Variants in XKR6 observed in about 807,000 individuals in gnomAD.
XKR6 encodes the protein XK-related protein 6.
Under a neutral mutation model 56.7 loss-of-function variants are expected in XKR6, and 22 were observed. The ratio of observed to expected loss-of-function variants is 0.39; its 90% confidence interval spans 0.28 to 0.55. XKR6 has a LOEUF of 0.55. Among genes scored for constraint, XKR6 ranks in the 20% least tolerant of loss-of-function variants. The pLI is 0.66. For missense variants in XKR6, 852 were observed against 889.0 expected, an observed-to-expected ratio of 0.96 and a Z score of 0.53; for synonymous variants, 524 against 387.8, an observed-to-expected ratio of 1.35 and a Z score of -4.13.
intron 1 of XKR6, chr8:11,124,957 C>CG (rs1396910879): frequency 6.7e-6 from 1 of 150,304 alleles, no homozygotes; most frequent in East Asian, 1.9e-4. Context: ...GGCGTGGTGG[C>CG]AGATGCCTGT....
At chr8:11,045,308 G>A (rs1799382862) in intron 1 of XKR6, among the ~76,000 whole-genome samples, 1 of 151,418 alleles carries the variant, frequency 6.6e-6, no homozygotes, top group African/African-American at 2.4e-5. Context: ...GGCTGGTCTC[G>A]AACTCCTAAC....
chr8:11,107,646 G>T (rs1259823147), intron 1 of XKR6: 1 of 152,550 alleles, frequency 6.6e-6, no homozygotes, highest in Non-Finnish European at 1.5e-5. Flanking sequence ...TGAGGCACAT[G>T]TTGTAAAAGC....
chr8:10,923,679 G>C (rs1459057931), intron 2 of XKR6, among the ~76,000 whole-genome samples: 1 of 152,244 alleles, frequency 6.6e-6, no homozygotes, highest in African/African-American at 2.4e-5. Flanking sequence ...TTGGTGAGGA[G>C]GTCCGTGTGG....
At chr8:11,123,334 G>C (rs181381037) in intron 1 of XKR6, 24 of 153,300 alleles carry the variant, frequency 1.6e-4, no homozygotes, top group African/African-American at 5.3e-4. Context: ...CAACAATCTG[G>C]TTATGGACCT....
chr8:10,913,010 A>C (rs1310325286), intron 2 of XKR6, among the ~76,000 whole-genome samples: 6 of 148,558 alleles, frequency 4.0e-5, no homozygotes, highest in African/African-American at 1.5e-4. Context: ...ATATATATAC[A>C]GAGAGAGAGG....
intron 1 of XKR6, among the ~76,000 whole-genome samples, chr8:11,095,750 A>G (rs1798247058): frequency 6.6e-6 from 1 of 152,228 alleles, no homozygotes; most frequent in South Asian, 2.1e-4. Flanking sequence ...GATTCAGTGG[A>G]TCTGGGATAT....
intron 1 of XKR6, among the ~76,000 whole-genome samples, chr8:10,957,988 A>G (rs1801947889): frequency 6.6e-6 from 1 of 152,140 alleles, no homozygotes; most frequent in Admixed American, 6.5e-5. Flanking sequence ...TTCTAAATCT[A>G]CTGAACTGAA....
At chr8:10,996,352 C>A (rs1264758633) in intron 1 of XKR6, among the ~76,000 whole-genome samples, 1 of 152,152 alleles carries the variant, frequency 6.6e-6, no homozygotes, top group East Asian at 1.9e-4. Context: ...CCGCTGCTGA[C>A]AATATCTTGT....
intron 1 of XKR6, among the ~76,000 whole-genome samples, chr8:11,040,459 G>A (rs1799258951): frequency 6.6e-6 from 1 of 152,090 alleles, no homozygotes; most frequent in African/African-American, 2.4e-5. Context: ...TTGAGCCCAG[G>A]GGGTCGAGGC....
chr8:11,110,665 T>C (rs1179252198), intron 1 of XKR6, among the ~76,000 whole-genome samples: 10 of 152,194 alleles, frequency 6.6e-5, no homozygotes, highest in Admixed American at 6.5e-4. Flanking sequence ...GCTTCTCAAG[T>C]TTCTTAATCC....
chr8:10,932,751 G>T lies in XKR6; in HGVS notation c.765-7921C>A, dbSNP rs976148263. ...TCATCCATGTCCCTACAAAGGACATGAACTCATCATTTTTTATGGCTGCAT... is the reference window on the plus strand; with the variant it reads ...TCATCCATGTCCCTACAAAGGACATTAACTCATCATTTTTTATGGCTGCAT... On this transcript the variant is annotated intron_variant, in intron 1 of 2. Coordinates refer to ENST00000416569, the MANE Select transcript of XKR6 (RefSeq NM_173683.4). 9.3e-5 allele frequency among the ~76,000 whole-genome samples: 12 copies of T among 128,972 alleles called. 1 individual carries two copies. The highest frequency in any genetic ancestry group is 3.8e-4 in the African/African-American group (12 of 31,704). 84.6% of individuals were successfully genotyped at this position (128,972 alleles called of 152,430 possible).
At chr8:11,044,489 G>A (rs1373681619) in intron 1 of XKR6, among the ~76,000 whole-genome samples, 1 of 152,182 alleles carries the variant, frequency 6.6e-6, no homozygotes, top group Non-Finnish European at 1.5e-5. Context: ...CATCAATTGT[G>A]TGATTTTTCA....
rs111865655 is a variant in XKR6, at chr8:11,039,641, G to A, written c.765-114811C>T. The stretch of plus-strand genomic sequence containing the variant: ...CTTCTGGTGCGAGAGGGGAGAGCCC[G>A]GCGGTAACAGTTCCAGCCTGGTGGC... On this transcript the variant is annotated intron_variant, in intron 1 of 2. Transcript: ENST00000416569. Among the ~76,000 whole-genome samples the A allele has an allele frequency of 9.0e-3, 1,365 of 152,328 alleles. 11 individuals carry two copies. Among genetic ancestry groups the A allele is most frequent in the African/African-American group, 0.031 (1,308 of 41,568 alleles).
rs142289390 is a variant in XKR6 at position 11,075,859 on chromosome 8, C to G, written c.764+124717G>C. 1.2e-3 allele frequency among the ~76,000 whole-genome samples: 180 copies of G among 152,176 alleles called. 1 individual carries two copies. Among genetic ancestry groups the G allele is most frequent in the African/African-American group, 4.2e-3 (173 of 41,512 alleles). On this transcript the variant is annotated intron_variant, in intron 1 of 2. Coordinates refer to ENST00000416569, the MANE Select transcript of XKR6 (RefSeq NM_173683.4). ...TTGCACTCCAGCCTGGGCAACATAG[C>G]GAGACTCTGTCCCCCCGACCCAAAA...
At chr8:10,959,611 T>C (rs116266155) in intron 1 of XKR6, among the ~76,000 whole-genome samples, 2 of 152,148 alleles carry the variant, frequency 1.3e-5, no homozygotes, top group African/African-American at 4.8e-5. Context: ...TCTTCTTATA[T>C]GGACACTAAT....
In XKR6 at chr8:10,979,637, C is replaced by G. The variant is rs535426507; in HGVS notation, c.765-54807G>C. Among the ~76,000 whole-genome samples, 7 of 152,330 alleles carry G rather than the reference C, an allele frequency of 4.6e-5. 1 individual carries two copies. Among genetic ancestry groups the G allele is most frequent in the African/African-American group, 1.7e-4 (7 of 41,570 alleles). ...TGGGTTGAGTGCAGCCTGGCTCCTC[C>G]TTGGGGGACACACGAAATCATATGT... On this transcript the variant is annotated intron_variant, in intron 1 of 2. Transcript: ENST00000416569.
At chr8:11,108,586 C>T (rs1260469459) in intron 1 of XKR6, 11 of 330,914 alleles carry the variant, frequency 3.3e-5, no homozygotes, top group South Asian at 1.9e-4. Flanking sequence ...TTCTATCACC[C>T]GTGCTTCTGG....
Position 10,979,642 on chromosome 8 carries a change from G to C in XKR6, c.765-54812C>G, listed in dbSNP as rs116180728. ...TGAGTGCAGCCTGGCTCCTCCTTGG[G>C]GGACACACGAAATCATATGTCTGCA... is the stretch of plus-strand genomic sequence containing the variant. On this transcript the variant is annotated intron_variant, in intron 1 of 2. Transcript: ENST00000416569. Among the ~76,000 whole-genome samples the C allele has an allele frequency of 5.8e-3, 886 of 152,296 alleles. 6 individuals are homozygous for C. The highest frequency in any genetic ancestry group is 0.016 in the African/African-American group (678 of 41,548).
intron 1 of XKR6, chr8:11,108,620 C>T (rs13249916): frequency 0.055 from 16,667 of 304,838 alleles, 631 homozygotes; most frequent in Non-Finnish European, 0.074. Context: ...AGAGAGTTTC[C>T]GTCCATTTCA....
Sources: allele counts gnomAD v4.1 joint callset (sites outside exome capture counted in the v4.1 genomes callset), GRCh38; gene constraint gnomAD v4.1.1; transcripts MANE v1.5; gene names NCBI Gene and HGNC (gene_info 2026-07-23, HGNC 2026-07-21).